Variants in CTNNA3 observed in about 807,000 individuals in gnomAD.
CTNNA3 encodes catenin alpha 3.
A neutral mutation model predicts 95.7 loss-of-function variants in CTNNA3; 76 were observed. The ratio of observed to expected loss-of-function variants is 0.79; its 90% CI spans 0.66 to 0.96. CTNNA3 has a LOEUF of 0.96. Among genes scored for constraint, CTNNA3 ranks in the 40% least tolerant of loss-of-function variants. The pLI, the probability that CTNNA3 is intolerant of heterozygous loss-of-function variation, is 0.00. For synonymous variants in CTNNA3, 431 were observed against 374.4 expected (o/e 1.15, Z -1.74); for missense variants, 1,191 against 1,089.8 (o/e 1.09, Z -1.31).
chr10:66,104,118 T>C (rs936584105), intron 13 of CTNNA3, among the ~76,000 whole-genome samples: 1 of 152,120 alleles, frequency 6.6e-6, no homozygotes, highest in Admixed American at 6.5e-5. Context: ...AACTTGAAAT[T>C]CAGTGTCTAT....
intron 3 of CTNNA3, among the ~76,000 whole-genome samples, chr10:67,590,778 C>T (rs1246677322): frequency 1.3e-5 from 2 of 151,902 alleles, no homozygotes; most frequent in African/African-American, 2.4e-5. Flanking sequence ...TGTTACAAAT[C>T]CCTTGTTGGA....
At chr10:66,492,227 A>G (rs1038279723) in intron 11 of CTNNA3, among the ~76,000 whole-genome samples, 3 of 152,188 alleles carry the variant, frequency 2.0e-5, no homozygotes, top group African/African-American at 7.2e-5. Context: ...AACCCAGAGA[A>G]GAAAATACAC....
At chr10:67,307,482 GT>G (rs1235259446) in intron 5 of CTNNA3, among the ~76,000 whole-genome samples, 10 of 151,956 alleles carry the variant, frequency 6.6e-5, no homozygotes, top group East Asian at 3.9e-4. Context: ...TTGTTTGTTT[GT>G]TTGGTTGGTT....
In CTNNA3 at chr10:66,286,942, T is replaced by TGA. The variant is rs1347258072; in HGVS notation, c.1733-6322_1733-6321insTC. On this transcript the variant is annotated intron_variant, in intron 12 of 17. Coordinates refer to ENST00000433211, the MANE Select transcript of CTNNA3 (RefSeq NM_013266.4). ...CTTTTATAAATTTATTTTTTATTGA[T>TGA]ACATAATAGATGTACATATTTGAGG... Among the ~76,000 whole-genome samples, 4 of 152,220 alleles carry TGA rather than the reference T, an allele frequency of 2.6e-5. No individual in the cohort carries two copies. The East Asian group carries it at 7.7e-4, about 29-fold the overall frequency.
chr10:66,280,519 T>C lies in CTNNA3; in HGVS notation c.1835A>G (p.Lys612Arg), dbSNP rs1564836394. Reference protein sequence around the residue: ...DDNQFVDISKKIYDTIHDIRC... With the variant: ...DDNQFVDISKRIYDTIHDIRC... ...GATATCATGAATTGTATCATAGATC[T>C]TCTTTGAGATGTCCACAAATTGATT... The change falls in exon 13 of 18, where the codon AAG becomes AGG. Residue 612 changes from lysine to arginine, a missense_variant. Physicochemically the swap from Lys to Arg is conservative, Grantham distance 26. Transcript: ENST00000433211. The C allele has an allele frequency of 6.2e-7, 1 of 1,609,796 alleles. No homozygotes were observed. The highest frequency in any genetic ancestry group is 8.5e-7 in the Non-Finnish European group (1 of 1,178,054).
intron 11 of CTNNA3, among the ~76,000 whole-genome samples, chr10:66,473,864 T>C (rs1042608883): frequency 5.9e-5 from 9 of 151,518 alleles, no homozygotes; most frequent in South Asian, 2.1e-4. Context: ...TTTATGGCTG[T>C]ATAGTATTCC....
intron 12 of CTNNA3, among the ~76,000 whole-genome samples, chr10:66,314,750 ACTGT>A (rs1430475716): frequency 6.6e-6 from 1 of 152,098 alleles, no homozygotes; most frequent in Non-Finnish European, 1.5e-5. Flanking sequence ...TAGTGTTCAA[ACTGT>A]CTTTTACAAG....
chr10:66,901,038 A>C (rs969526372), intron 7 of CTNNA3, among the ~76,000 whole-genome samples: 1 of 152,194 alleles, frequency 6.6e-6, no homozygotes, highest in Middle Eastern at 3.2e-3. Context: ...CACCACAAAG[A>C]TACTCCTCGA....
chr10:66,647,815 A>C (rs1388645629), intron 9 of CTNNA3, among the ~76,000 whole-genome samples: 1 of 152,040 alleles, frequency 6.6e-6, no homozygotes, highest in Non-Finnish European at 1.5e-5. Flanking sequence ...CACCGTGCCC[A>C]GCCAAAAAGA....
At chr10:66,100,228 A>G (rs1473656281) in intron 14 of CTNNA3, among the ~76,000 whole-genome samples, 1 of 152,072 alleles carries the variant, frequency 6.6e-6, no homozygotes, top group African/African-American at 2.4e-5. Flanking sequence ...GTTCTGTGGA[A>G]AATGCATTTC....
At chr10:66,994,304 G>A (rs539644672) in intron 7 of CTNNA3, among the ~76,000 whole-genome samples, 2 of 152,186 alleles carry the variant, frequency 1.3e-5, no homozygotes, top group East Asian at 3.9e-4. Context: ...TTAAAAATGG[G>A]TTTGCCTGGC....
intron 5 of CTNNA3, among the ~76,000 whole-genome samples, chr10:67,337,315 A>C (rs557708370): frequency 6.6e-6 from 1 of 152,304 alleles, no homozygotes; most frequent in African/African-American, 2.4e-5. Context: ...TAAGAGAAAT[A>C]GCAAGAGAAC....
chr10:67,656,601 G>A (rs1244634799), intron 1 of CTNNA3, among the ~76,000 whole-genome samples: 1 of 151,954 alleles, frequency 6.6e-6, no homozygotes, highest in Non-Finnish European at 1.5e-5. Flanking sequence ...GAGTAGGCAG[G>A]GCTGGGTGAT....
intron 5 of CTNNA3, among the ~76,000 whole-genome samples, chr10:67,314,033 A>G (rs1840938720): frequency 6.6e-6 from 1 of 152,210 alleles, no homozygotes; most frequent in African/African-American, 2.4e-5. Flanking sequence ...TGTCACACAG[A>G]CAGAACCTGG....
At chr10:66,905,188 G>A (rs781066451) in intron 7 of CTNNA3, among the ~76,000 whole-genome samples, 1 of 152,080 alleles carries the variant, frequency 6.6e-6, no homozygotes. Context: ...ATACTATGAC[G>A]CCATAAGAAA....
chr10:67,518,608 C>G (rs1315510071), intron 5 of CTNNA3, among the ~76,000 whole-genome samples: 1 of 151,950 alleles, frequency 6.6e-6, no homozygotes, highest in African/African-American at 2.4e-5. Flanking sequence ...CTTCAGAAGC[C>G]TCTGGAAATG....
rs538615176 is a variant in CTNNA3 at position 66,913,423 on chromosome 10, C to T, written c.1048-137899G>A. Among the ~76,000 whole-genome samples the T allele has an allele frequency of 5.9e-5, 9 of 152,170 alleles. No individual in the cohort carries two copies. In the South Asian group the frequency reaches 6.2e-4, roughly 11 times the overall value. On this transcript the variant is annotated intron_variant, in intron 7 of 17. Transcript: ENST00000433211. ...CCTTGGGCTACAGTCTTAATTCATA[C>T]GGCATCCTTCCAGTATCATCTGCCA...
chr10:66,674,631 TC>T (rs1564610825), intron 9 of CTNNA3, among the ~76,000 whole-genome samples: 1 of 152,086 alleles, frequency 6.6e-6, no homozygotes, highest in African/African-American at 2.4e-5. Context: ...TAAATCATTA[TC>T]TTTTGTCTAC....
chr10:66,340,403 A>G (rs1446594000), intron 12 of CTNNA3, among the ~76,000 whole-genome samples: 2 of 151,838 alleles, frequency 1.3e-5, no homozygotes, highest in African/African-American at 4.8e-5. Context: ...CTAAAAACCT[A>G]AAATCTAAAC....
Sources: gnomAD v4.1 joint callset for allele counts (sites outside exome capture counted in the v4.1 genomes callset) on GRCh38, gnomAD v4.1.1 for gene constraint, MANE v1.5 for transcripts, NCBI Gene and HGNC (gene_info 2026-07-23, HGNC 2026-07-21) for gene names.